UNC13D: variants seen among roughly 807,000 people sequenced by gnomAD.
The protein encoded by UNC13D is protein unc-13 homolog D.
Under a neutral mutation model 151.7 loss-of-function variants are expected in UNC13D, and 115 were observed. The observed-to-expected ratio is 0.76, with a 90% CI of 0.65 to 0.88. UNC13D has a LOEUF of 0.88. Among genes scored for constraint, UNC13D ranks in the 40% least tolerant of loss-of-function variants. The pLI, the probability that UNC13D is intolerant of heterozygous loss-of-function variation, is 0.00. For synonymous variants in UNC13D, 588 were observed against 612.2 expected, an observed-to-expected ratio of 0.96 and a Z score of 0.58; for missense variants, 1,369 against 1,438.7, an observed-to-expected ratio of 0.95 and a Z score of 0.78.
rs2064882588 is a variant in UNC13D, at chr17:75,832,994, T to A, written c.2419A>T (p.Thr807Ser). 1 of 1,599,158 alleles carries A rather than the reference T, an allele frequency of 6.3e-7. No homozygotes were observed. Among genetic ancestry groups the A allele is most frequent in the Admixed American group, 1.7e-5 (1 of 57,170 alleles). ...FLEVELCYMNTNLVQENFSSL... is the reference protein window; with the variant it reads ...FLEVELCYMNSNLVQENFSSL... ...CTGAAGTTCTCCTGCACCAAGTTGG[T>A]GTTCATGTAGCAAAGCTCCACCTCC... The change falls in exon 25 of 32, where the codon ACC becomes TCC. Residue 807 changes from threonine (T) to serine (S), a missense_variant. Thr to Ser is a moderately conservative substitution (Grantham distance 58). Transcript: ENST00000207549. The surrounding 1 kb of genome is among the most constrained non-coding windows in gnomAD (Gnocchi z 4.3).
chr17:75,837,919 A>T (rs2064920061), intron 12 of UNC13D, among the ~76,000 whole-genome samples: 1 of 152,074 alleles, frequency 6.6e-6, no homozygotes, highest in Non-Finnish European at 1.5e-5. Context: ...CAGCCTGGGG[A>T]CAGGCCGAAG....
chr17:75,836,479 A>G, intron 14 of UNC13D, 50 bp from the exon 15 acceptor site: 1 of 1,612,168 alleles, frequency 6.2e-7, no homozygotes, highest in Non-Finnish European at 8.5e-7. Context: ...CCCACACTGC[A>G]CTCACTCCTC....
chr17:75,840,188 G>C lies in UNC13D; in HGVS notation c.858+37C>G, dbSNP rs2143892283. On this transcript the variant is annotated intron_variant, in intron 10 of 31. Coordinates refer to ENST00000207549, the MANE Select transcript of UNC13D (RefSeq NM_199242.3). This position sits in a 1 kb window ranked among gnomAD's most constrained non-coding sequence, Gnocchi z 4.6. ...CCCGCAACCCAGCAGACCGCCGCAAGAGCTGGGCATGGCCACTGGCCCAGT... is the reference window on the plus strand; with the variant it reads ...CCCGCAACCCAGCAGACCGCCGCAACAGCTGGGCATGGCCACTGGCCCAGT... 1 of 1,613,032 alleles carries C rather than the reference G, an allele frequency of 6.2e-7. No homozygotes were observed. The highest frequency in any genetic ancestry group is 8.5e-7 in the Non-Finnish European group (1 of 1,179,438).
In UNC13D at chr17:75,844,306, C is replaced by A; in HGVS notation, c.32G>T (p.Arg11Leu). ...GATGGCCTGGCGCAAGAAGGGAGGG[C>A]GCTGCTGCGGATGGGAGAGGAGTGT... MATLLSHPQQ[R>L]PPFLRQAIKI... The change falls in exon 1 of 32, where the codon CGC becomes CTC. Residue 11 changes from arginine to leucine, a missense_variant. By Grantham distance (102) the Arg-to-Leu change is moderately radical. Coordinates refer to ENST00000207549, the MANE Select transcript of UNC13D (RefSeq NM_199242.3). 1 of 1,612,520 alleles carries A rather than the reference C, an allele frequency of 6.2e-7. No homozygotes were observed. Among genetic ancestry groups the A allele is most frequent in the Non-Finnish European group, 8.5e-7 (1 of 1,179,822 alleles).
At position 75,836,919 on chromosome 17, in the gene UNC13D, C is replaced by T; in HGVS notation, c.1056-1G>A. 1 of 1,612,548 alleles carries T rather than the reference C, an allele frequency of 6.2e-7. No individual in the cohort carries two copies. Among genetic ancestry groups the T allele is most frequent in the Non-Finnish European group, 8.5e-7 (1 of 1,180,000 alleles). On this transcript the variant is annotated splice_acceptor_variant, in intron 12 of 31. Transcript: ENST00000207549. LOFTEE classifies it high-confidence loss of function. ...GAGGCGGCTGTAGGCCAGCCACTGC[C>T]TGCAGGGGACAGGAAGCCCTCAGCT...
In UNC13D at chr17:75,834,141, C is replaced by G; in HGVS notation, c.2301G>C (p.Leu767Phe). ...GGATGTGCTTGGCGATGCCCACCTCCAACTGGAGACACAAAACGGAAGAAG... is the reference window on the plus strand; with the variant it reads ...GGATGTGCTTGGCGATGCCCACCTCGAACTGGAGACACAAAACGGAAGAAG... The part of the protein sequence containing the change: ...RTGVRTLAEQ[L>F]EVGIAKHIQK... The change falls in exon 24 of 32, where the codon TTG (leucine) becomes TTC (phenylalanine). Residue 767 changes from leucine (L) to phenylalanine (F), a missense_variant and splice_region_variant. This residue lies in a region of UNC13D where 807 missense variants were observed against 795.5 expected (regional missense o/e 1.01). Coordinates refer to ENST00000207549, the MANE Select transcript of UNC13D (RefSeq NM_199242.3). 6.2e-7 allele frequency: 1 copy of G among 1,613,724 alleles called. No individual in the cohort carries two copies. The highest frequency in any genetic ancestry group is 8.5e-7 in the Non-Finnish European group (1 of 1,180,000).
In UNC13D at chr17:75,833,024, A is replaced by T; in HGVS notation, c.2389T>A (p.Phe797Ile). The change falls in exon 25 of 32, where the codon TTC becomes ATC. Residue 797 changes from phenylalanine (F) to isoleucine (I), a missense_variant. This residue lies in a region of UNC13D where 807 missense variants were observed against 795.5 expected (regional missense o/e 1.01). Coordinates refer to ENST00000207549, the MANE Select transcript of UNC13D (RefSeq NM_199242.3). The surrounding 1 kb of genome is among the most constrained non-coding windows in gnomAD (Gnocchi z 4.0). Reference protein sequence around the residue: ...PEDAILPLMKFLEVELCYMNT... With the variant: ...PEDAILPLMKILEVELCYMNT... ...ATGTAGCAAAGCTCCACCTCCAGGA[A>T]CTTCATCAGGGGCAGAATGGCCTGG... is the stretch of plus-strand genomic sequence containing the variant. 1.2e-6 allele frequency: 2 copies of T among 1,605,622 alleles called. No homozygotes were observed. Among genetic ancestry groups the T allele is most frequent in the Non-Finnish European group, 1.7e-6 (2 of 1,176,838 alleles).
rs191364835 is a variant in UNC13D, at chr17:75,841,797, G to A, written c.569+636C>T. Among the ~76,000 whole-genome samples the A allele has an allele frequency of 7.9e-3, 1,165 of 146,826 alleles. 4 individuals are homozygous for A. The highest frequency in any genetic ancestry group is 0.022 in the Middle Eastern group (6 of 272). On this transcript the variant is annotated intron_variant, in intron 6 of 31. Transcript: ENST00000207549. ...CAGAGTGTCGCTCTGTCACCAGGCT[G>A]GAGTGCAGTGGTGCTATCTCGGCTC...
Position 75,844,366 on chromosome 17 carries a change from C to G in UNC13D, c.-29G>C, listed in dbSNP as rs781413897. 1 of 1,590,176 alleles carries G rather than the reference C, an allele frequency of 6.3e-7. No individual in the cohort carries two copies. The highest frequency in any genetic ancestry group is 1.3e-5 in the African/African-American group (1 of 74,298). On this transcript the variant is annotated 5_prime_UTR_variant, in exon 1 of 32. Coordinates refer to ENST00000207549, the MANE Select transcript of UNC13D (RefSeq NM_199242.3). ...GGCCTTCTCTGCCCTTCCCTGTCCG[C>G]TGGTGCTGGGTGAAGACAGCGAAGC...
chr17:75,841,442 C>CTTTT (rs145752081), intron 6 of UNC13D, among the ~76,000 whole-genome samples: 1 of 110,400 alleles, frequency 9.1e-6, no homozygotes, highest in Non-Finnish European at 1.8e-5. Flanking sequence ...CGCGCCCAGC[C>CTTTT]TTTTTTTTTT....
chr17:75,837,496 G>A (rs1456296856), intron 12 of UNC13D, among the ~76,000 whole-genome samples: 3 of 151,352 alleles, frequency 2.0e-5, no homozygotes, highest in African/African-American at 7.3e-5. Flanking sequence ...GCTCACACCT[G>A]TAATCCCAGG....
chr17:75,835,681 C>G lies in UNC13D; in HGVS notation c.1693G>C (p.Glu565Gln), dbSNP rs1388347201. 1 of 1,613,502 alleles carries G rather than the reference C, an allele frequency of 6.2e-7. No individual in the cohort carries two copies. The highest frequency in any genetic ancestry group is 1.1e-5 in the South Asian group (1 of 91,086). The change falls in exon 19 of 32, where the codon GAG becomes CAG. Residue 565 changes from glutamate (E) to glutamine (Q), a missense_variant. Physicochemically the swap from Glu to Gln is conservative, Grantham distance 29 (BLOSUM62 2). This residue lies in a region of UNC13D where 807 missense variants were observed against 795.5 expected (regional missense o/e 1.01). Transcript: ENST00000207549. ...SLFQLYISLK[E>Q]LCQLRMSSSE... is the part of the protein sequence containing the mutation. ...GAGCTCATGCGCAGCTGGCAGAGCT[C>G]CTTGAGGCTGATGTAGAGCTGGAAC...
Position 75,840,453 on chromosome 17 carries a change from T to C in UNC13D, c.753+54A>G. Reference sequence around the variant, plus strand: ...ACACAGAGCCTCTCCCCAGAACCCCTCCCAACCCCCTCCCTCTGCCTCGCT... The same window carrying C: ...ACACAGAGCCTCTCCCCAGAACCCCCCCCAACCCCCTCCCTCTGCCTCGCT... On this transcript the variant is annotated intron_variant, in intron 9 of 31. Transcript: ENST00000207549. The surrounding 1 kb of genome is among the most constrained non-coding windows in gnomAD (Gnocchi z 4.6). The C allele has an allele frequency of 7.3e-7, 1 of 1,360,776 alleles. No individual in the cohort carries two copies. The highest frequency in any genetic ancestry group is 1.0e-6 in the Non-Finnish European group (1 of 957,912). The allele number at this position is 1,360,776 out of a possible 1,614,324, so 84.3% of individuals were successfully genotyped here. A position where few individuals can be genotyped will look rare whatever the true frequency, so the allele number is the denominator to read the frequency against.
chr17:75,830,459 C>A lies in UNC13D; in HGVS notation c.2733G>T (p.Leu911=). The change falls in exon 29 of 32, where the codon CTG becomes CTT. Residue 911 remains leucine (L), a synonymous_variant. Transcript: ENST00000207549. ...QQQAETTSEE[L]GAVTVKASYR... is the part of the protein sequence containing the mutation. The stretch of plus-strand genomic sequence containing the variant: ...AGGAGGCCTTGACTGTCACAGCCCC[C>A]AGCTCCTCAGAGGTGGTTTCTGCCT... 6.3e-7 allele frequency: 1 copy of A among 1,589,648 alleles called. No individual in the cohort carries two copies. The highest frequency in any genetic ancestry group is 8.6e-7 in the Non-Finnish European group (1 of 1,168,772).
chr17:75,837,523 G>A (rs954701461), intron 12 of UNC13D, among the ~76,000 whole-genome samples: 83 of 151,320 alleles, frequency 5.5e-4, no homozygotes, highest in Non-Finnish European at 1.9e-4. Context: ...GGAGGCCGAG[G>A]CGGGTGGATC....
At position 75,840,959 on chromosome 17, in the gene UNC13D, CAT is replaced by C; in HGVS notation, c.610_611del (p.Met204ValfsTer27). The C allele has an allele frequency of 1.2e-6, 2 of 1,614,038 alleles. No individual in the cohort carries two copies. The highest frequency in any genetic ancestry group is 1.7e-6 in the Non-Finnish European group (2 of 1,180,020). On this transcript the variant is annotated frameshift_variant, in exon 7 of 32. Transcript: ENST00000207549. LOFTEE classifies it high-confidence loss of function. This position sits in a 1 kb window ranked among gnomAD's most constrained non-coding sequence, Gnocchi z 4.6. ...TAGGGGCAGGCCAGGTCACTCACCA[CAT>C]GTCCAGATGAAAGCTCGCATTGGTG... Reference protein sequence around the residue: ...DITNASFHLDMWDLDTVESVR... With the variant: ...DITNASFHLDXWDLDTVESVR...
Position 75,840,816 on chromosome 17 carries a change from A to G in UNC13D, c.629T>C (p.Val210Ala), listed in dbSNP as rs553365957. The G allele has an allele frequency of 6.2e-7, 1 of 1,613,992 alleles. No homozygotes were observed. The highest frequency in any genetic ancestry group is 2.2e-5 in the East Asian group (1 of 44,880). Reference sequence around the variant, plus strand: ...CCCAAGCTTCTGTCGGACAGACTCCACAGTGTCCAGGTCCCTGGCAGGACA... The same window carrying G: ...CCCAAGCTTCTGTCGGACAGACTCCGCAGTGTCCAGGTCCCTGGCAGGACA... ...FHLDMWDLDT[V>A]ESVRQKLGEL... Residue 210 changes from valine to alanine, a missense_variant, in exon 8 of 32, where the codon GTG becomes GCG. Around this residue, in one of 3 missense-constraint regions of UNC13D, gnomAD observed 550 missense variants for 609.0 expected, o/e 0.90. Coordinates refer to ENST00000207549, the MANE Select transcript of UNC13D (RefSeq NM_199242.3). This position sits in a 1 kb window ranked among gnomAD's most constrained non-coding sequence, Gnocchi z 4.6.
intron 12 of UNC13D, among the ~76,000 whole-genome samples, chr17:75,839,406 C>CAAA (rs34913290): frequency 1.8e-5 from 2 of 110,718 alleles, no homozygotes; most frequent in South Asian, 3.1e-4. Flanking sequence ...AACTCCGTTT[C>CAAA]AAAAAAAAAA....
rs866141334 is a variant in UNC13D at position 75,827,642 on chromosome 17, A to G, written c.*323T>C. On this transcript the variant is annotated 3_prime_UTR_variant, in exon 32 of 32. Transcript: ENST00000207549. The stretch of plus-strand genomic sequence containing the variant: ...GAGGCAGATGGGCCAGGGCCAGGAG[A>G]CAGATGGCCCAATCCCCTGCCCACC... The G allele has an allele frequency of 5.2e-6, 8 of 1,531,032 alleles. No individual in the cohort carries two copies. The highest frequency in any genetic ancestry group is 4.3e-5 in the African/African-American group (3 of 69,302). The allele number at this position is 1,531,032 out of a possible 1,614,324, so 94.8% of individuals were successfully genotyped here.
Sources: gnomAD v4.1 joint callset for allele counts (sites outside exome capture counted in the v4.1 genomes callset) on GRCh38, gnomAD v4.1.1 for gene constraint, gnomAD v4.1.1 regional missense constraint, Gnocchi (gnomAD v3.1) non-coding constraint, MANE v1.5 for transcripts, NCBI Gene and HGNC (gene_info 2026-07-23, HGNC 2026-07-21) for gene names.